Variants in STOX2 observed in about 807,000 individuals in gnomAD.
The protein encoded by STOX2 is storkhead box 2.
A neutral mutation model predicts 60.9 loss-of-function variants in STOX2; 28 were observed. The observed-to-expected ratio is 0.46, with a 90% CI of 0.34 to 0.63. The LOEUF is 0.63. Among genes scored for constraint, STOX2 ranks in the 30% least tolerant of loss-of-function variants. The pLI is 0.01. For missense variants in STOX2, 1,024 were observed against 1,187.7 expected, an observed-to-expected ratio of 0.86 and a Z score of 2.03; for synonymous variants, 472 against 463.9, an observed-to-expected ratio of 1.02 and a Z score of -0.22.
chr4:183,970,179 T>TGG (rs1246316917), intron 1 of STOX2, among the ~76,000 whole-genome samples: 4 of 139,448 alleles, frequency 2.9e-5, no homozygotes, highest in Non-Finnish European at 3.2e-5. Flanking sequence ...TGTGTGTGTG[T>TGG]GTGGGGTTCC....
Position 183,882,521 on chromosome 4 carries a change from T to C in STOX2, c.364+84466T>C, listed in dbSNP as rs1740981659. On this transcript the variant is annotated intron_variant, in intron 1 of 2. Transcript: ENST00000513034. ...AATTTTGAGTATACCTTTAGCTGCATTAAGTGGAACAAAGCCAAGCTTTTG... is the reference window on the plus strand; with the variant it reads ...AATTTTGAGTATACCTTTAGCTGCACTAAGTGGAACAAAGCCAAGCTTTTG... Among the ~76,000 whole-genome samples, 3 of 152,232 alleles carry C rather than the reference T, an allele frequency of 2.0e-5. 1 individual carries two copies. In the South Asian group the frequency reaches 6.2e-4, roughly 32 times the overall value.
intron 1 of STOX2, among the ~76,000 whole-genome samples, chr4:183,833,718 C>T (rs1180824627): frequency 4.1e-5 from 6 of 147,402 alleles, no homozygotes. Flanking sequence ...CGCGGTGGCT[C>T]ACGCCTGTAA....
At chr4:184,000,383 A>G (rs1378644636) in intron 1 of STOX2, among the ~76,000 whole-genome samples, 1 of 152,052 alleles carries the variant, frequency 6.6e-6, no homozygotes, top group African/African-American at 2.4e-5. Context: ...TGGCCCTTTT[A>G]GTGTGCAGGA....
At chr4:183,815,962 G>A (rs957617059) in intron 1 of STOX2, among the ~76,000 whole-genome samples, 3 of 151,868 alleles carry the variant, frequency 2.0e-5, no homozygotes, top group Non-Finnish European at 2.9e-5. Flanking sequence ...TCTTGCATAC[G>A]TGGTTGGACA....
At chr4:183,820,662 C>T (rs928561493) in intron 1 of STOX2, among the ~76,000 whole-genome samples, 5 of 152,120 alleles carry the variant, frequency 3.3e-5, no homozygotes, top group African/African-American at 1.2e-4. Context: ...GGCTATGTAT[C>T]TTGCAAAGGA....
chr4:183,891,563 T>G (rs1741215204), intron 1 of STOX2, among the ~76,000 whole-genome samples: 2 of 151,144 alleles, frequency 1.3e-5, no homozygotes, highest in Non-Finnish European at 2.9e-5. Context: ...GCCAGGAGGA[T>G]GTAAAGGTAT....
At chr4:183,953,881 A>G (rs2111150759) in intron 1 of STOX2, among the ~76,000 whole-genome samples, 1 of 152,208 alleles carries the variant, frequency 6.6e-6, no homozygotes, top group East Asian at 1.9e-4. Context: ...CCCATTTTAT[A>G]GACATTAGGA....
At position 183,842,028 on chromosome 4, in the gene STOX2, TA is replaced by T. The variant is rs1739874395; in HGVS notation, c.364+43974del. Among the ~76,000 whole-genome samples the T allele has an allele frequency of 2.6e-5, 4 of 152,352 alleles. No homozygotes were observed. In the South Asian group the frequency reaches 8.3e-4, roughly 32 times the overall value. On this transcript the variant is annotated intron_variant, in intron 1 of 2. Transcript: ENST00000513034. Reference sequence around the variant, plus strand: ...CTCATATAATCCCTGTAAGAAAAGTTAGATGGATAATGAAGCCACTTGATCC... The same window carrying T: ...CTCATATAATCCCTGTAAGAAAAGTTGATGGATAATGAAGCCACTTGATCC...
upstream of STOX2, among the ~76,000 whole-genome samples, chr4:183,901,573 TTTGTTA>T (rs1364006669): frequency 6.6e-6 from 1 of 150,690 alleles, no homozygotes; most frequent in African/African-American, 2.5e-5. Flanking sequence ...ATTGCCAATG[TTTGTTA>T]TTTTCTGGTT....
intron 1 of STOX2, among the ~76,000 whole-genome samples, chr4:183,833,667 G>A (rs1739627061): frequency 1.3e-5 from 2 of 150,534 alleles, no homozygotes; most frequent in Non-Finnish European, 1.5e-5. Context: ...GCATACCAGA[G>A]TTTCACCAAA....
At chr4:183,936,480 AG>A (rs1670529480) in intron 1 of STOX2, among the ~76,000 whole-genome samples, 1 of 151,732 alleles carries the variant, frequency 6.6e-6, no homozygotes, top group African/African-American at 2.4e-5. Context: ...CTTTATTGTA[AG>A]GCCTGATAGT....
chr4:183,904,057 C>T (rs1579394362), upstream of STOX2, among the ~76,000 whole-genome samples: 1 of 152,198 alleles, frequency 6.6e-6, no homozygotes, highest in Non-Finnish European at 1.5e-5. Context: ...GATCATCAGG[C>T]ATTAGATTCT....
chr4:183,958,777 G>A (rs1224165415), intron 1 of STOX2, among the ~76,000 whole-genome samples: 5 of 152,226 alleles, frequency 3.3e-5, no homozygotes, highest in East Asian at 1.9e-4. Flanking sequence ...TCCCGGGCCC[G>A]CACTCCTCCA....
rs983962437 is a variant in STOX2, at chr4:183,823,429, C to T, written c.364+25374C>T. Among the ~76,000 whole-genome samples the T allele has an allele frequency of 2.0e-5, 3 of 152,134 alleles. No homozygotes were observed. In the South Asian group the frequency reaches 6.2e-4, roughly 32 times the overall value. On this transcript the variant is annotated intron_variant, in intron 1 of 2. Transcript: ENST00000513034. ...AACAAAAAACAAACAAACCAAAAAACCCCCAACTATCATCTGGAGGCAACA... is the reference window on the plus strand; with the variant it reads ...AACAAAAAACAAACAAACCAAAAAATCCCCAACTATCATCTGGAGGCAACA...
chr4:183,841,974 G>T (rs1026272260), intron 1 of STOX2, among the ~76,000 whole-genome samples: 2 of 152,220 alleles, frequency 1.3e-5, no homozygotes, highest in Admixed American at 6.5e-5. Context: ...CTGTGTCCTT[G>T]CCAGTGTGTG....
rs1404807303 is a variant in STOX2 at position 183,821,948 on chromosome 4, A to G, written c.364+23893A>G. Among the ~76,000 whole-genome samples, 3 of 152,224 alleles carry G rather than the reference A, an allele frequency of 2.0e-5. No individual in the cohort carries two copies. The highest frequency in any genetic ancestry group is 4.4e-5 in the Non-Finnish European group (3 of 68,040). ...CCCACCCTGCCCTTCCCTAAAAAGG[A>G]CGCTTGTGTGTGGAAAAGGTGATAC... is the stretch of plus-strand genomic sequence containing the variant. On this transcript the variant is annotated intron_variant, in intron 1 of 2. Transcript: ENST00000513034. This position sits in a 1 kb window ranked among gnomAD's most constrained non-coding sequence, Gnocchi z 4.2.
intron 1 of STOX2, among the ~76,000 whole-genome samples, chr4:183,961,513 C>T (rs1164075720): frequency 6.6e-6 from 1 of 152,244 alleles, no homozygotes; most frequent in African/African-American, 2.4e-5. Flanking sequence ...TAGCAAGAAT[C>T]TGTAGCCAGC....
In STOX2 at chr4:183,865,389, C is replaced by A. The variant is rs909574659; in HGVS notation, c.364+67334C>A. Among the ~76,000 whole-genome samples the A allele has an allele frequency of 2.0e-5, 3 of 152,160 alleles. No individual in the cohort carries two copies. Among genetic ancestry groups the A allele is most frequent in the Admixed American group, 1.3e-4 (2 of 15,266 alleles). ...AGTTAGGCAGAGACTATAGAAAAGG[C>A]ATGAACAATTACTATAGAAACTGCC... On this transcript the variant is annotated intron_variant, in intron 1 of 2. Coordinates refer to the STOX2 transcript ENST00000513034. The surrounding 1 kb of genome is among the most constrained non-coding windows in gnomAD (Gnocchi z 4.1).
intron 1 of STOX2, among the ~76,000 whole-genome samples, chr4:183,838,453 T>C (rs1280585357): frequency 6.6e-6 from 1 of 152,174 alleles, no homozygotes; most frequent in Non-Finnish European, 1.5e-5. Flanking sequence ...TCATTACTTT[T>C]AGATAGTTTT....
Sources: gnomAD v4.1 joint callset for allele counts (sites outside exome capture counted in the v4.1 genomes callset) on GRCh38, gnomAD v4.1.1 for gene constraint, Gnocchi (gnomAD v3.1) non-coding constraint, MANE v1.5 for transcripts, NCBI Gene and HGNC (gene_info 2026-07-23, HGNC 2026-07-21) for gene names.